The following CNBD1 variants were observed in gnomAD, a reference collection of about 807,000 sequenced individuals.
CNBD1 encodes cyclic nucleotide binding domain containing 1, also known as cyclic nucleotide-binding domain-containing protein 1.
CNBD1 carries 71 observed loss-of-function variants against 54.4 expected under a neutral mutation model. The ratio of observed to expected loss-of-function variants is 1.30; its 90% CI spans 1.08 to 1.59. The LOEUF is 1.59. CNBD1 is among the 40% of genes most tolerant of loss of function. CNBD1 has a pLI of 0.00. For synonymous variants in CNBD1, 182 were observed against 170.7 expected (o/e 1.07, Z -0.51); for missense variants, 659 against 518.0 (o/e 1.27, Z -2.64).
At chr8:87,391,278 T>C (rs779664964) in intron 2 of CNBD1, among the ~76,000 whole-genome samples, 2 of 151,876 alleles carry the variant, frequency 1.3e-5, no homozygotes, top group East Asian at 1.9e-4. Flanking sequence ...AAGATAACGA[T>C]TGCAGATACC....
intron 4 of CNBD1, among the ~76,000 whole-genome samples, chr8:86,991,525 CA>C: frequency 6.6e-6 from 1 of 151,948 alleles, no homozygotes; most frequent in Middle Eastern, 3.4e-3. Context: ...AGTTCTTTTC[CA>C]GTTTTAGTTA....
At chr8:87,334,941 G>T (rs1014899793) in intron 8 of CNBD1, among the ~76,000 whole-genome samples, 1 of 151,746 alleles carries the variant, frequency 6.6e-6, no homozygotes, top group Non-Finnish European at 1.5e-5. Context: ...GGCCAGGATG[G>T]TCTCAGTCTC....
At chr8:86,877,337 A>G (rs1808536389) in intron 1 of CNBD1, among the ~76,000 whole-genome samples, 1 of 152,094 alleles carries the variant, frequency 6.6e-6, no homozygotes, top group Non-Finnish European at 1.5e-5. Flanking sequence ...TTATTAGTAC[A>G]TTTTGCATCC....
chr8:87,275,329 G>C (rs952965226), intron 6 of CNBD1, among the ~76,000 whole-genome samples: 2 of 150,896 alleles, frequency 1.3e-5, no homozygotes, highest in African/African-American at 4.9e-5. Context: ...TTGGTGGCTT[G>C]ATGGGGATAG....
At position 86,939,710 on chromosome 8, in the gene CNBD1, A is replaced by G; in HGVS notation, c.387A>G (p.Arg129=). The G allele has an allele frequency of 6.3e-7, 1 of 1,588,518 alleles. No individual in the cohort carries two copies. The highest frequency in any genetic ancestry group is 8.6e-7 in the Non-Finnish European group (1 of 1,165,154). The part of the protein sequence containing the change: ...HGGHILYRPK[R]ATEKFEEFLA... The stretch of plus-strand genomic sequence containing the variant: ...GCCATATTTTATATAGACCAAAAAG[A>G]GCCACAGAGAAATTTGAAGAATTCC... The change falls in exon 4 of 11, where the codon AGA becomes AGG. Residue 129 remains arginine (R), a synonymous_variant. Transcript: ENST00000518476.
At chr8:86,972,957 C>G (rs370712199) in intron 4 of CNBD1, among the ~76,000 whole-genome samples, 120 of 152,298 alleles carry the variant, frequency 7.9e-4, no homozygotes, top group African/African-American at 2.8e-3. Flanking sequence ...CCCTCATCCC[C>G]TCGTTGACTT....
chr8:87,077,899 G>A (rs1467143431), intron 4 of CNBD1, among the ~76,000 whole-genome samples: 2 of 152,064 alleles, frequency 1.3e-5, no homozygotes, highest in East Asian at 1.9e-4. Context: ...TGTCTTTATA[G>A]TATCATGATT....
intron 8 of CNBD1, among the ~76,000 whole-genome samples, chr8:87,287,678 G>A (rs933557575): frequency 3.3e-5 from 5 of 151,954 alleles, no homozygotes; most frequent in African/African-American, 1.2e-4. Flanking sequence ...CTGTAACACA[G>A]GAAAACGAGG....
At chr8:87,157,547 T>TCAGCAGAATG (rs1458700686) in intron 4 of CNBD1, among the ~76,000 whole-genome samples, 2 of 152,180 alleles carry the variant, frequency 1.3e-5, no homozygotes, top group East Asian at 1.9e-4. Context: ...TCTTTTGCAT[T>TCAGCAGAATG]CAGCAGAATG....
chr8:87,020,351 A>C (rs569867051), intron 4 of CNBD1, among the ~76,000 whole-genome samples: 2 of 152,176 alleles, frequency 1.3e-5, no homozygotes, highest in South Asian at 4.2e-4. Flanking sequence ...CACCAATCAG[A>C]CTACATGGGA....
intron 4 of CNBD1, among the ~76,000 whole-genome samples, chr8:87,095,802 T>C (rs929391051): frequency 5.3e-5 from 8 of 152,092 alleles, no homozygotes; most frequent in Non-Finnish European, 5.9e-5. Flanking sequence ...GGACTACAGG[T>C]GCCCGCCACC....
chr8:87,325,102 G>C (rs1172410143), intron 8 of CNBD1, among the ~76,000 whole-genome samples: 1 of 97,074 alleles, frequency 1.0e-5, no homozygotes, highest in Non-Finnish European at 2.0e-5. Flanking sequence ...TTTCCATGTA[G>C]TTGGGCGGCT....
intron 4 of CNBD1, among the ~76,000 whole-genome samples, chr8:87,070,025 T>TA (rs996270824): frequency 2.6e-5 from 4 of 152,080 alleles, no homozygotes; most frequent in African/African-American, 9.7e-5. Flanking sequence ...AACAAATGAA[T>TA]AATCCTCCAC....
chr8:86,893,378 C>A (rs549774877), intron 2 of CNBD1, among the ~76,000 whole-genome samples: 1 of 152,094 alleles, frequency 6.6e-6, no homozygotes, highest in Non-Finnish European at 1.5e-5. Flanking sequence ...GATTTTAAAC[C>A]TTTAGTGATG....
At chr8:87,196,993 G>T (rs1462249441) in intron 4 of CNBD1, among the ~76,000 whole-genome samples, 1 of 152,112 alleles carries the variant, frequency 6.6e-6, no homozygotes, top group East Asian at 1.9e-4. Flanking sequence ...AGCTGGAATT[G>T]GGTCTAGAAA....
At chr8:86,971,388 G>A (rs1400380826) in intron 4 of CNBD1, among the ~76,000 whole-genome samples, 1 of 152,142 alleles carries the variant, frequency 6.6e-6, no homozygotes, top group African/African-American at 2.4e-5. Flanking sequence ...CTCAACAAAT[G>A]GGGATTGCAA....
intron 2 of CNBD1, among the ~76,000 whole-genome samples, chr8:87,400,312 T>C (rs1183390388): frequency 1.3e-5 from 2 of 152,142 alleles, no homozygotes; most frequent in Admixed American, 6.6e-5. Context: ...GAGAAGATTA[T>C]TTAAAAATCT....
intron 3 of CNBD1, among the ~76,000 whole-genome samples, chr8:86,937,673 C>T (rs186347591): frequency 2.1e-4 from 32 of 152,266 alleles, no homozygotes; most frequent in African/African-American, 6.7e-4. Context: ...GGCTGGGACA[C>T]AGGGCACCAA....
intron 4 of CNBD1, among the ~76,000 whole-genome samples, chr8:87,101,426 G>A (rs1311810109): frequency 1.3e-5 from 2 of 151,710 alleles, no homozygotes; most frequent in Admixed American, 1.3e-4. Context: ...CAATATCTGA[G>A]GAGGATACAA....
Sources: gnomAD v4.1 joint callset for allele counts (sites outside exome capture counted in the v4.1 genomes callset) on GRCh38, gnomAD v4.1.1 for gene constraint, MANE v1.5 for transcripts, NCBI Gene and HGNC (gene_info 2026-07-23, HGNC 2026-07-21) for gene names.